The following ABCA3 variants were observed in gnomAD, a reference collection of about 807,000 sequenced individuals.
ABCA3 encodes the protein ATP binding cassette subfamily A member 3, also known as phospholipid-transporting ATPase ABCA3.
In ABCA3, 88 loss-of-function variants were observed where a neutral mutation model predicts 172.8. The ratio of observed to expected loss-of-function variants is 0.51; its 90% CI spans 0.43 to 0.61. The LOEUF is 0.61. ABCA3 is among the 20% of genes least tolerant of loss of function. The pLI is 0.00. For synonymous variants in ABCA3, 1,066 were observed against 983.8 expected (o/e 1.08, Z -1.56); for missense variants, 2,164 against 2,301.0 (o/e 0.94, Z 1.22).
intron 1 of ABCA3, among the ~76,000 whole-genome samples, chr16:2,337,296 C>T (rs1302870744): frequency 1.3e-5 from 2 of 151,552 alleles, no homozygotes; most frequent in Admixed American, 6.6e-5. Context: ...TAATTTATAA[C>T]ACATAATATA....
Position 2,287,003 on chromosome 16 carries a change from G to T in ABCA3, c.3005-36C>A, listed in dbSNP as rs1416736522. ...ATGGCAGAGTCAGGGGACACAGGAA[G>T]AGGTGACACCTGGGCACCCCCTGCC... On this transcript the variant is annotated intron_variant, in intron 21 of 32. Coordinates refer to ENST00000301732, the MANE Select transcript of ABCA3 (RefSeq NM_001089.3). The surrounding 1 kb of genome is among the most constrained non-coding windows in gnomAD (Gnocchi z 4.1). 1 of 1,602,262 alleles carries T rather than the reference G, an allele frequency of 6.2e-7. No homozygotes were observed. Among genetic ancestry groups the T allele is most frequent in the Admixed American group, 1.7e-5 (1 of 58,062 alleles).
intron 11 of ABCA3, among the ~76,000 whole-genome samples, chr16:2,304,622 T>G (rs1044095071): frequency 6.1e-5 from 9 of 148,154 alleles, no homozygotes; most frequent in Non-Finnish European, 1.2e-4. Flanking sequence ...TTCTCCTGTC[T>G]CAGCCTTCCA....
At chr16:2,320,685 C>T (rs2093724715) in intron 7 of ABCA3, among the ~76,000 whole-genome samples, 1 of 152,142 alleles carries the variant, frequency 6.6e-6, no homozygotes, top group Non-Finnish European at 1.5e-5. Flanking sequence ...GTGTGAGCCA[C>T]TGCGCCCAGC....
chr16:2,326,364 G>A (rs770276296), intron 4 of ABCA3, 49 bp downstream of exon 4: 6 of 1,612,214 alleles, frequency 3.7e-6, no homozygotes, highest in East Asian at 4.5e-5. Flanking sequence ...ATCCCCAGGA[G>A]CCTCTGGGCT....
At chr16:2,328,852 A>G (rs2093738691) in intron 2 of ABCA3, 95 bp from the exon 3 acceptor site, 1 of 168,326 alleles carries the variant, frequency 5.9e-6, no homozygotes, top group Admixed American at 6.0e-5. Context: ...ACCATGAGCT[A>G]GCGCTCCCCG....
rs1178923796 is a variant in ABCA3, at chr16:2,287,426, C to CCGGTA, written c.3005-460_3005-459insTACCG. On this transcript the variant is annotated intron_variant, in intron 21 of 32. Coordinates refer to ENST00000301732, the MANE Select transcript of ABCA3 (RefSeq NM_001089.3). This position sits in a 1 kb window ranked among gnomAD's most constrained non-coding sequence, Gnocchi z 4.1. ...TCCAGAGTAGCTGGGATTACAGGTACCCATCACCACACCTAGCTAATTTTT... is the reference window on the plus strand; with the variant it reads ...TCCAGAGTAGCTGGGATTACAGGTACCGGTACCATCACCACACCTAGCTAATTTTT... Among the ~76,000 whole-genome samples, 2 of 152,078 alleles carry CCGGTA rather than the reference C, an allele frequency of 1.3e-5. No individual in the cohort carries two copies. Among genetic ancestry groups the CCGGTA allele is most frequent in the East Asian group, 1.9e-4 (1 of 5,180 alleles).
At chr16:2,328,394 G>A in intron 3 of ABCA3, 59 bp downstream of exon 3, 1 of 426,792 alleles carries the variant, frequency 2.3e-6, no homozygotes, top group Non-Finnish European at 4.7e-6. Flanking sequence ...AAGGAACACA[G>A]ACACTGAACC....
At position 2,304,852 on chromosome 16, in the gene ABCA3, T is replaced by C. The variant is rs2093695149; in HGVS notation, c.1286-702A>G. Among the ~76,000 whole-genome samples the C allele has an allele frequency of 2.0e-5, 3 of 152,190 alleles. No homozygotes were observed. In the South Asian group the frequency reaches 6.2e-4, roughly 32 times the overall value. On this transcript the variant is annotated intron_variant, in intron 11 of 32. Transcript: ENST00000301732. ...CACCGTGCCTGGCTAATTTTTTGTA[T>C]TTTTAGTAGAGACGGGGTTTCACTG...
intron 26 of ABCA3, among the ~76,000 whole-genome samples, chr16:2,282,916 T>G (rs1038235079): frequency 6.6e-6 from 1 of 152,158 alleles, no homozygotes; most frequent in African/African-American, 2.4e-5. Context: ...TGGGTGTCCC[T>G]GGGCACCACC....
chr16:2,327,865 C>T (rs957483970), intron 3 of ABCA3, among the ~76,000 whole-genome samples: 2 of 152,126 alleles, frequency 1.3e-5, no homozygotes, highest in East Asian at 1.9e-4. Flanking sequence ...GGATTACAGG[C>T]GCCTGCCACC....
In ABCA3 at chr16:2,289,436, C is replaced by A; in HGVS notation, c.2698G>T (p.Gly900Trp). 1.3e-6 allele frequency: 2 copies of A among 1,583,150 alleles called. No individual in the cohort carries two copies. The highest frequency in any genetic ancestry group is 1.2e-5 in the South Asian group (1 of 86,810). Residue 900 changes from glycine to tryptophan, a missense_variant and splice_region_variant, in exon 20 of 33, where the codon GGG becomes TGG. Physicochemically the swap from Gly to Trp is radical, Grantham distance 184. Coordinates refer to ENST00000301732, the MANE Select transcript of ABCA3 (RefSeq NM_001089.3). ...CGCCCACCCACCTGGGCACTCACCCCAGTGTTGAGCTTGACAGCGGTGCGC... is the reference window on the plus strand; with the variant it reads ...CGCCCACCCACCTGGGCACTCACCCAAGTGTTGAGCTTGACAGCGGTGCGC... ...EERTAVKLNTGLALHCQQFWA... is the reference protein window; with the variant it reads ...EERTAVKLNTWLALHCQQFWA...
rs530499988 is a variant in ABCA3 at position 2,283,126 on chromosome 16, G to A, written c.4035+60C>T. On this transcript the variant is annotated intron_variant, in intron 26 of 32. Coordinates refer to ENST00000301732, the MANE Select transcript of ABCA3 (RefSeq NM_001089.3). The surrounding 1 kb of genome is among the most constrained non-coding windows in gnomAD (Gnocchi z 5.4). Reference sequence around the variant, plus strand: ...GGTGGAGCTGCCCCAGGTTGTGCTGGGCCCAAGCAGAGACGTGGGGAGCAT... The same window carrying A: ...GGTGGAGCTGCCCCAGGTTGTGCTGAGCCCAAGCAGAGACGTGGGGAGCAT... 6.5e-7 allele frequency: 1 copy of A among 1,549,150 alleles called. No homozygotes were observed. Among genetic ancestry groups the A allele is most frequent in the South Asian group, 1.2e-5 (1 of 86,828 alleles).
chr16:2,311,670 C>T (rs1406793759), intron 10 of ABCA3, among the ~76,000 whole-genome samples: 7 of 152,106 alleles, frequency 4.6e-5, no homozygotes, highest in African/African-American at 7.2e-5. Flanking sequence ...TACAGGCATC[C>T]GCCACCATGC....
chr16:2,335,306 G>C (rs1329993966), intron 1 of ABCA3, among the ~76,000 whole-genome samples: 2 of 151,614 alleles, frequency 1.3e-5, no homozygotes, highest in African/African-American at 4.8e-5. Flanking sequence ...TCACTGATTT[G>C]TTTGTTTGTT....
chr16:2,298,452 C>G lies in ABCA3; in HGVS notation c.1830G>C (p.Leu610=). The G allele has an allele frequency of 6.2e-7, 1 of 1,614,136 alleles. No homozygotes were observed. The highest frequency in any genetic ancestry group is 8.5e-7 in the Non-Finnish European group (1 of 1,180,046). The part of the protein sequence containing the change: ...DMVQIRKSLG[L]CPQHDILFDN... ...CAAACAGGATGTCGTGCTGCGGGCA[C>G]AGGCCCAGGCTCTTCCGGATCTGAA... The change falls in exon 15 of 33, where the codon CTG becomes CTC. Residue 610 remains leucine, a synonymous_variant. Transcript: ENST00000301732.
chr16:2,284,111 G>C lies in ABCA3; in HGVS notation c.3862+168C>G. ...GCTCAGGTACAGGGCCTGGGAGCGA[G>C]CGGGCGCGAGGGGGCTGCTGTGGGA... On this transcript the variant is annotated intron_variant, in intron 25 of 32. Coordinates refer to ENST00000301732, the MANE Select transcript of ABCA3 (RefSeq NM_001089.3). The surrounding 1 kb of genome is among the most constrained non-coding windows in gnomAD (Gnocchi z 5.9). The C allele has an allele frequency of 1.3e-6, 1 of 782,958 alleles. No individual in the cohort carries two copies. Among genetic ancestry groups the C allele is most frequent in the South Asian group, 1.8e-5 (1 of 54,464 alleles). The allele number at this position is 782,958 out of a possible 1,614,324, so 48.5% of individuals were successfully genotyped here.
At position 2,317,707 on chromosome 16, in the gene ABCA3, A is replaced by T; in HGVS notation, c.931T>A (p.Leu311Met). The change falls in exon 9 of 33, where the codon TTG becomes ATG. Residue 311 changes from leucine (L) to methionine (M), a missense_variant. By Grantham distance (15) the Leu-to-Met change is conservative. Transcript: ENST00000301732. ...SWLHWSAWFL[L>M]FFLFLLIAAS... ...GCGATGAGGAGGAAGAGGAAGAACA[A>T]GAGGAACCAGGCACTCCAGTGCAGC... 1 of 1,614,240 alleles carries T rather than the reference A, an allele frequency of 6.2e-7. No individual in the cohort carries two copies. The highest frequency in any genetic ancestry group is 8.5e-7 in the Non-Finnish European group (1 of 1,180,042).
At position 2,278,797 on chromosome 16, in the gene ABCA3, T is replaced by C; in HGVS notation, c.4547+146A>G. 1 of 1,241,340 alleles carries C rather than the reference T, an allele frequency of 8.1e-7. No homozygotes were observed. The highest frequency in any genetic ancestry group is 1.3e-5 in the South Asian group (1 of 77,862). The allele number at this position is 1,241,340 out of a possible 1,614,324, so 76.9% of individuals were successfully genotyped here. A position where few individuals can be genotyped will look rare whatever the true frequency, so the allele number is the denominator to read the frequency against. On this transcript the variant is annotated intron_variant, in intron 29 of 32. Transcript: ENST00000301732. This position sits in a 1 kb window ranked among gnomAD's most constrained non-coding sequence, Gnocchi z 4.4. Reference sequence around the variant, plus strand: ...AGTCCCTTTCCTACGTGGAGCTACCTGGGTCACACCACCACATCCCAGCTC... The same window carrying C: ...AGTCCCTTTCCTACGTGGAGCTACCCGGGTCACACCACCACATCCCAGCTC...
At chr16:2,332,570 G>T in intron 1 of ABCA3, 11 of 1,283,188 alleles carry the variant, frequency 8.6e-6, no homozygotes, top group Non-Finnish European at 1.1e-5. Context: ...CCAGCAAATC[G>T]CTCCTTGCTG....
Sources: gnomAD v4.1 joint callset for allele counts (sites outside exome capture counted in the v4.1 genomes callset) on GRCh38, gnomAD v4.1.1 for gene constraint, Gnocchi (gnomAD v3.1) non-coding constraint, MANE v1.5 for transcripts, NCBI Gene and HGNC (gene_info 2026-07-23, HGNC 2026-07-21) for gene names.